The following HGD variants were observed in gnomAD, a reference collection of about 807,000 sequenced individuals.
HGD encodes the protein homogentisate oxidase.
A neutral mutation model predicts 60.8 loss-of-function variants in HGD; 61 were observed. The ratio of observed to expected loss-of-function variants is 1.00; its 90% CI spans 0.82 to 1.24. The LOEUF is 1.24. Ranked by LOEUF, HGD falls within the 50% of genes most tolerant of loss-of-function variation. HGD has a pLI of 0.00. For synonymous variants in HGD, 212 were observed against 187.7 expected, an observed-to-expected ratio of 1.13 and a Z score of -1.06; for missense variants, 542 against 547.1, an observed-to-expected ratio of 0.99 and a Z score of 0.09.
intron 2 of HGD, among the ~76,000 whole-genome samples, chr3:120,675,400 T>C (rs923507972): frequency 6.6e-6 from 1 of 152,154 alleles, no homozygotes; most frequent in African/African-American, 2.4e-5. Context: ...GAAAATATTT[T>C]TGTTTCCCGT....
intron 13 of HGD, among the ~76,000 whole-genome samples, chr3:120,630,825 T>TATATATATATATATATATATAC (rs1491569082): frequency 7.7e-5 from 8 of 104,116 alleles, no homozygotes; most frequent in Admixed American, 9.9e-5. Flanking sequence ...TATATATATA[T>TATATATATATATATATATATAC]ACACATACAC....
At position 120,682,081 on chromosome 3, in the gene HGD, T is replaced by A. The variant is rs187185759; in HGVS notation, c.15+16A>T. ...GGCTGAAGAAGCCATAGCAAACTTG[T>A]CAGATGGTTTCTTACCTTTAACTCA... On this transcript the variant is annotated intron_variant, in intron 1 of 13. Transcript: ENST00000283871. 3.7e-5 allele frequency: 60 copies of A among 1,613,720 alleles called. 2 individuals are homozygous for A. In the African/African-American group the frequency reaches 5.5e-4, roughly 15 times the overall value.
chr3:120,654,895 A>AC (rs568400441), intron 4 of HGD, among the ~76,000 whole-genome samples: 4 of 152,046 alleles, frequency 2.6e-5, no homozygotes, highest in Non-Finnish European at 5.9e-5. Context: ...ACATAGTGAA[A>AC]CCCCATCTCT....
At chr3:120,647,801 T>C in intron 7 of HGD, 76 bp downstream of exon 7, 2 of 1,093,810 alleles carry the variant, frequency 1.8e-6, no homozygotes, top group Non-Finnish European at 2.8e-6. Context: ...AGGAAAATAA[T>C]GTGTATAAAA....
chr3:120,671,192 AC>A (rs1708018029), intron 3 of HGD, among the ~76,000 whole-genome samples: 1 of 152,188 alleles, frequency 6.6e-6, no homozygotes, highest in Non-Finnish European at 1.5e-5. Flanking sequence ...GCATTTCTAA[AC>A]AAAATTATCA....
At chr3:120,670,632 A>G (rs750310402) in intron 3 of HGD, 100 bp from the exon 4 acceptor site, 348 of 778,982 alleles carry the variant, frequency 4.5e-4, no homozygotes, top group Non-Finnish European at 6.8e-4. Flanking sequence ...ACTCAAGTCA[A>G]CAACGACCTG....
chr3:120,638,354 G>A, intron 12 of HGD, 101 bp downstream of exon 12: 1 of 1,386,370 alleles, frequency 7.2e-7, no homozygotes, highest in Non-Finnish European at 1.0e-6. Context: ...ATGCCATGGT[G>A]GGTGTCCAGA....
intron 3 of HGD, among the ~76,000 whole-genome samples, chr3:120,671,515 T>G (rs1452742999): frequency 1.3e-5 from 2 of 152,198 alleles, no homozygotes; most frequent in Non-Finnish European, 2.9e-5. Flanking sequence ...TGTGGAGAGA[T>G]AAGAATGCTT....
At chr3:120,630,959 C>G (rs1466056511) in intron 13 of HGD, among the ~76,000 whole-genome samples, 1 of 151,504 alleles carries the variant, frequency 6.6e-6, no homozygotes, top group African/African-American at 2.4e-5. Context: ...AGGCCATTAT[C>G]CTTGGCAAAC....
intron 1 of HGD, among the ~76,000 whole-genome samples, chr3:120,678,937 T>C (rs1202197091): frequency 6.6e-6 from 1 of 152,226 alleles, no homozygotes; most frequent in African/African-American, 2.4e-5. Context: ...GCTGGTTCAG[T>C]GCCTATGTAA....
At chr3:120,665,051 G>T (rs1559797150) in intron 4 of HGD, among the ~76,000 whole-genome samples, 1 of 152,202 alleles carries the variant, frequency 6.6e-6, no homozygotes, top group Non-Finnish European at 1.5e-5. Context: ...AAGGAGTCTG[G>T]CTGTGACTAG....
chr3:120,653,468 G>A (rs1000264914), intron 4 of HGD, among the ~76,000 whole-genome samples: 3 of 152,144 alleles, frequency 2.0e-5, no homozygotes, highest in African/African-American at 7.2e-5. Context: ...TGGTCAAGGT[G>A]GGCTTGGCAG....
intron 6 of HGD, among the ~76,000 whole-genome samples, chr3:120,649,064 G>A (rs937548082): frequency 2.0e-5 from 3 of 151,414 alleles, no homozygotes; most frequent in South Asian, 2.1e-4. Flanking sequence ...CTCCTAGGAA[G>A]CTCTTGTTTA....
At chr3:120,644,997 A>G (rs989182862) in intron 9 of HGD, among the ~76,000 whole-genome samples, 1 of 152,212 alleles carries the variant, frequency 6.6e-6, no homozygotes, top group African/African-American at 2.4e-5. Context: ...ACCTTTGCTT[A>G]GGAGTGAGTG....
At chr3:120,669,261 T>TA (rs1319141584) in intron 4 of HGD, among the ~76,000 whole-genome samples, 7 of 148,546 alleles carry the variant, frequency 4.7e-5, no homozygotes, top group African/African-American at 1.8e-4. Flanking sequence ...AAGTTTAGAT[T>TA]AAAAACAAAA....
intron 11 of HGD, 57 bp downstream of exon 11, chr3:120,641,532 G>A (rs1014841842): frequency 8.7e-6 from 9 of 1,030,346 alleles, no homozygotes; most frequent in African/African-American, 1.6e-5. Flanking sequence ...GTCTACTGTG[G>A]ACCCCTCCCA....
intron 13 of HGD, among the ~76,000 whole-genome samples, chr3:120,629,205 C>T (rs1364828579): frequency 6.6e-6 from 1 of 152,188 alleles, no homozygotes. Context: ...TATGTAAATA[C>T]TCTGTGCATC....
intron 4 of HGD, among the ~76,000 whole-genome samples, chr3:120,669,502 AG>A (rs1707978853): frequency 6.6e-6 from 1 of 150,908 alleles, no homozygotes; most frequent in Non-Finnish European, 1.5e-5. Flanking sequence ...CTGTTAATCA[AG>A]TTTGTCCTAA....
At chr3:120,633,723 T>C (rs1381292450) in intron 12 of HGD, 2 of 610,036 alleles carry the variant, frequency 3.3e-6, no homozygotes, top group Non-Finnish European at 5.2e-6. Context: ...CATAACCCTT[T>C]CCCAAGTAGC....
Sources: allele counts gnomAD v4.1 joint callset (sites outside exome capture counted in the v4.1 genomes callset), GRCh38; gene constraint gnomAD v4.1.1; transcripts MANE v1.5; gene names NCBI Gene and HGNC (gene_info 2026-07-23, HGNC 2026-07-21).